The following EMB variants were observed in gnomAD, a reference collection of about 807,000 sequenced individuals.
EMB encodes the protein embigin homolog.
Under a neutral mutation model 41.4 loss-of-function variants are expected in EMB, and 31 were observed. The observed-to-expected ratio is 0.75, with a 90% CI of 0.56 to 1.01. The LOEUF (loss-of-function observed/expected upper bound fraction) is 1.01, where lower values mean the gene tolerates loss of function less well. EMB is among the 50% of genes least tolerant of loss of function. The pLI is 0.00. For missense variants in EMB, 379 were observed against 388.3 expected (o/e 0.98, Z 0.20); for synonymous variants, 137 against 140.4 (o/e 0.98, Z 0.17).
At chr5:50,423,324 G>C (rs1192350560) in intron 2 of EMB, among the ~76,000 whole-genome samples, 1 of 152,106 alleles carries the variant, frequency 6.6e-6, no homozygotes. Flanking sequence ...GAGGAGAAGA[G>C]AAGAGAGACA....
rs1008449837 is a variant in EMB, at chr5:50,397,229, T to G, written c.*2044A>C. ...TCATTTATCATCTCTGTAAGATTGG[T>G]TAATGGAAGCAGATTAAAATCCAAC... On this transcript the variant is annotated 3_prime_UTR_variant, in exon 9 of 9. Coordinates refer to ENST00000303221, the MANE Select transcript of EMB (RefSeq NM_198449.3). The G allele has an allele frequency of 6.6e-6, 1 of 152,128 alleles. No individual in the cohort carries two copies. The highest frequency in any genetic ancestry group is 2.4e-5 in the African/African-American group (1 of 41,442). 9.4% of individuals were successfully genotyped at this position (152,128 alleles called of 1,614,324 possible).
chr5:50,407,248 T>C (rs1031146597), intron 4 of EMB, among the ~76,000 whole-genome samples: 2 of 151,948 alleles, frequency 1.3e-5, no homozygotes, highest in Non-Finnish European at 2.9e-5. Flanking sequence ...AAGAATAAAA[T>C]GTGGAAGAAA....
At chr5:50,427,273 T>C (rs1285728201) in intron 2 of EMB, among the ~76,000 whole-genome samples, 2 of 152,204 alleles carry the variant, frequency 1.3e-5, no homozygotes, top group Non-Finnish European at 1.5e-5. Flanking sequence ...TCTCGATATT[T>C]TTATTTTACA....
At chr5:50,423,652 G>A (rs1202402917) in intron 2 of EMB, among the ~76,000 whole-genome samples, 1 of 152,064 alleles carries the variant, frequency 6.6e-6, no homozygotes, top group East Asian at 1.9e-4. Flanking sequence ...CTTCCACAGA[G>A]GGTTTTTCAT....
intron 2 of EMB, among the ~76,000 whole-genome samples, chr5:50,418,034 A>C (rs1482598073): frequency 6.6e-6 from 1 of 152,232 alleles, no homozygotes; most frequent in East Asian, 1.9e-4. Context: ...ACATCATTTC[A>C]AAGAAAAACA....
chr5:50,440,018 G>A (rs989722919), intron 1 of EMB, among the ~76,000 whole-genome samples: 3 of 152,114 alleles, frequency 2.0e-5, no homozygotes, highest in Non-Finnish European at 2.9e-5. Context: ...GGCAACTTTC[G>A]TGTTGGCTTT....
At chr5:50,411,094 A>G (rs1745328832) in intron 3 of EMB, 103 bp downstream of exon 3, 1 of 1,199,630 alleles carries the variant, frequency 8.3e-7, no homozygotes, top group Non-Finnish European at 1.2e-6. Context: ...GAATATTAGC[A>G]TAACATTCAA....
chr5:50,400,527 C>T (rs1303358593), intron 7 of EMB, among the ~76,000 whole-genome samples: 1 of 151,730 alleles, frequency 6.6e-6, no homozygotes, highest in African/African-American at 2.4e-5. Context: ...AAAAGAAATC[C>T]CACGAGTGCT....
At chr5:50,413,092 A>T (rs1455920056) in intron 2 of EMB, among the ~76,000 whole-genome samples, 1 of 152,154 alleles carries the variant, frequency 6.6e-6, no homozygotes, top group African/African-American at 2.4e-5. Flanking sequence ...ACACTTAGGG[A>T]AAACACAAAA....
chr5:50,441,807 C>G (rs952391168), upstream of EMB, among the ~76,000 whole-genome samples: 1 of 152,134 alleles, frequency 6.6e-6, no homozygotes, highest in African/African-American at 2.4e-5. Context: ...GGCCCCATAC[C>G]GTGTCTGATT....
chr5:50,430,005 T>TCACACACA (rs374435204), intron 1 of EMB, among the ~76,000 whole-genome samples: 2 of 140,488 alleles, frequency 1.4e-5, no homozygotes, highest in African/African-American at 5.4e-5. Flanking sequence ...TCTCTCTCTC[T>TCACACACA]CACACACACA....
Position 50,407,632 on chromosome 5 carries a change from C to A in EMB, c.473-1780G>T, listed in dbSNP as rs187435357. Among the ~76,000 whole-genome samples, 209 of 152,100 alleles carry A rather than the reference C, an allele frequency of 1.4e-3. 4 individuals carry two copies. The highest frequency in any genetic ancestry group is 4.4e-3 in the African/African-American group (182 of 41,518). ...CAGTGTGGATTTAAATTATAAAATG[C>A]ACTATGTTCAGGGAACATGACATTT... is the stretch of plus-strand genomic sequence containing the variant. On this transcript the variant is annotated intron_variant, in intron 4 of 8. Transcript: ENST00000303221.
intron 1 of EMB, among the ~76,000 whole-genome samples, chr5:50,437,472 C>T (rs1244607881): frequency 6.6e-6 from 1 of 152,058 alleles, no homozygotes; most frequent in Admixed American, 6.6e-5. Flanking sequence ...ACTTTGTACC[C>T]CATCAAACTT....
Position 50,411,304 on chromosome 5 carries a change from T to C in EMB, c.276A>G (p.Thr92=). ...SNVNLTCQFT[T]SGDLNAVNVT... ...CATTTACTGCATTCAAATCCCCAGATGTTGTGAACTGGCATGTGAGATTTA... is the reference window on the plus strand; with the variant it reads ...CATTTACTGCATTCAAATCCCCAGACGTTGTGAACTGGCATGTGAGATTTA... The change falls in exon 3 of 9, where the codon ACA becomes ACG. Residue 92 remains threonine (T), a synonymous_variant. Transcript: ENST00000303221. The C allele has an allele frequency of 1.2e-6, 2 of 1,613,218 alleles. No homozygotes were observed. Among genetic ancestry groups the C allele is most frequent in the Non-Finnish European group, 1.7e-6 (2 of 1,179,458 alleles).
At chr5:50,399,726 T>C (rs1745129104) in intron 8 of EMB, 133 bp downstream of exon 8, 1 of 703,742 alleles carries the variant, frequency 1.4e-6, no homozygotes, top group Admixed American at 3.1e-5. Context: ...TATAATAGTG[T>C]TAACAAGCAT....
intron 1 of EMB, among the ~76,000 whole-genome samples, chr5:50,438,418 C>A (rs564183135): frequency 6.6e-6 from 1 of 152,240 alleles, no homozygotes; most frequent in African/African-American, 2.4e-5. Flanking sequence ...AAAGGTGAAT[C>A]AGGGATAGAA....
At chr5:50,429,922 A>T in intron 1 of EMB, among the ~76,000 whole-genome samples, 1 of 144,388 alleles carries the variant, frequency 6.9e-6, no homozygotes, top group African/African-American at 2.6e-5. Context: ...CTGTCTTTTC[A>T]CCCCTTTTCT....
intron 1 of EMB, among the ~76,000 whole-genome samples, chr5:50,437,638 A>G (rs1228167317): frequency 5.9e-5 from 9 of 151,910 alleles, no homozygotes; most frequent in Non-Finnish European, 1.3e-4. Context: ...AAAGGTAAAA[A>G]CTGCCAGCAT....
chr5:50,427,999 T>G (rs1745648192), intron 2 of EMB, 145 bp downstream of exon 2: 2 of 578,832 alleles, frequency 3.5e-6, no homozygotes, highest in Admixed American at 6.7e-5. Context: ...CCACATTAGA[T>G]TCCCAGCTCA....
Sources: allele counts gnomAD v4.1 joint callset (sites outside exome capture counted in the v4.1 genomes callset), GRCh38; gene constraint gnomAD v4.1.1; transcripts MANE v1.5; gene names NCBI Gene and HGNC (gene_info 2026-07-23, HGNC 2026-07-21).